NOL9: variants seen among roughly 807,000 people sequenced by gnomAD.
The protein encoded by NOL9 is polynucleotide 5'-hydroxyl-kinase NOL9.
A neutral mutation model predicts 67.9 loss-of-function variants in NOL9; 28 were observed. That is an observed-to-expected ratio of 0.41 (90% CI 0.31 to 0.57). The LOEUF is 0.57. Ranked by LOEUF, NOL9 falls within the 20% of genes least tolerant of loss-of-function variation. NOL9 has a pLI of 0.25. For synonymous variants in NOL9, 356 were observed against 352.2 expected (o/e 1.01, Z -0.12); for missense variants, 777 against 897.0 (o/e 0.87, Z 1.71).
At chr1:6,526,102 G>A (rs978676108) in intron 11 of NOL9, 99 bp from the exon 12 acceptor site, 3 of 1,056,288 alleles carry the variant, frequency 2.8e-6, no homozygotes, top group African/African-American at 3.1e-5. Flanking sequence ...TCATGGTGAT[G>A]GTCTGGGTGG....
rs1639048633 is a variant in NOL9, at chr1:6,532,370, C to T, written c.1535+93G>A. 2.5e-6 allele frequency: 3 copies of T among 1,203,816 alleles called. No individual in the cohort carries two copies. The South Asian group carries it at 4.4e-5, about 18-fold the overall frequency. The allele number at this position is 1,203,816 out of a possible 1,614,324, so 74.6% of individuals were successfully genotyped here. A position where few individuals can be genotyped will look rare whatever the true frequency, so the allele number is the denominator to read the frequency against. ...ACAGCTGTGACAGGGACCTGAAGAT[C>T]TTAGAGGACTCAGGCCTTTAGAGGA... On this transcript the variant is annotated intron_variant, in intron 8 of 11. Transcript: ENST00000377705.
Position 6,545,134 on chromosome 1 carries a change from A to G in NOL9, c.791T>C (p.Val264Ala). Residue 264 changes from valine to alanine, a missense_variant, in exon 4 of 12, where the codon GTT (valine) becomes GCT (alanine). Transcript: ENST00000377705. Reference sequence around the variant, plus strand: ...CCTTTTTTTCTCTCTTCTGATGCCAACAGACCTCAAGGCTAAATATTCAGG... The same window carrying G: ...CCTTTTTTTCTCTCTTCTGATGCCAGCAGACCTCAAGGCTAAATATTCAGG... ...IKPEYLALRS[V>A]GIRREKKRKG... The G allele has an allele frequency of 1.2e-6, 2 of 1,614,106 alleles. No individual in the cohort carries two copies. Among genetic ancestry groups the G allele is most frequent in the Non-Finnish European group, 1.7e-6 (2 of 1,179,958 alleles).
At chr1:6,548,020 C>A in intron 3 of NOL9, 1 of 285,898 alleles carries the variant, frequency 3.5e-6, no homozygotes. Context: ...TAGGCTGTCC[C>A]GAACCCCTGG....
At chr1:6,541,472 A>C (rs1432396687) in intron 6 of NOL9, among the ~76,000 whole-genome samples, 1 of 152,144 alleles carries the variant, frequency 6.6e-6, no homozygotes, top group Non-Finnish European at 1.5e-5. Context: ...GTGAGCCACC[A>C]CAGGCAGCCT....
intron 11 of NOL9, 134 bp downstream of exon 11, chr1:6,526,562 G>T: frequency 1.1e-6 from 1 of 881,346 alleles, no homozygotes; most frequent in Non-Finnish European, 1.7e-6. Flanking sequence ...CACCGTCTCG[G>T]CTCACTCAGG....
intron 5 of NOL9, among the ~76,000 whole-genome samples, chr1:6,544,525 A>ACACACACGCACG (rs1553183955): frequency 2.7e-4 from 19 of 69,490 alleles, no homozygotes; most frequent in Non-Finnish European, 5.4e-4. Context: ...ACACACACAC[A>ACACACACGCACG]CACGCACGCA....
intron 1 of NOL9, among the ~76,000 whole-genome samples, chr1:6,551,534 G>A (rs1427759062): frequency 6.6e-6 from 1 of 151,110 alleles, no homozygotes; most frequent in Non-Finnish European, 1.5e-5. Context: ...CAGAGGCAAA[G>A]GCTGCAGTGA....
intron 3 of NOL9, among the ~76,000 whole-genome samples, chr1:6,548,797 A>G (rs889021311): frequency 6.6e-5 from 10 of 152,018 alleles, no homozygotes; most frequent in Non-Finnish European, 1.3e-4. Flanking sequence ...AAACCCCAAA[A>G]AAGGCCAGGC....
chr1:6,541,875 G>T lies in NOL9; in HGVS notation c.1030C>A (p.Pro344Thr). The change falls in exon 6 of 12, where the codon CCT becomes ACT. Residue 344 changes from proline (P) to threonine (T), a missense_variant. This residue lies in a region of NOL9 where 413 missense variants were observed against 552.6 expected (regional missense o/e 0.75). Coordinates refer to ENST00000377705, the MANE Select transcript of NOL9 (RefSeq NM_024654.5). ...ECDLGQTEFT[P>T]PGCISLLNIT... ...TTAAGCAAAGAAATGCAACCAGGAG[G>T]GGTAAATTCTGTCTGTCCCAGATCA... is the stretch of plus-strand genomic sequence containing the variant. The T allele has an allele frequency of 1.9e-6, 3 of 1,608,472 alleles. No individual in the cohort carries two copies. The highest frequency in any genetic ancestry group is 2.5e-6 in the Non-Finnish European group (3 of 1,177,568).
At position 6,549,670 on chromosome 1, in the gene NOL9, A is replaced by G; in HGVS notation, c.645T>C (p.Phe215=). ...GCAACACAATGGAACACTGAGGAGA[A>G]AAATTCTGCATCGACCAACGCCTGT... is the stretch of plus-strand genomic sequence containing the variant. ...LDDRRWSMQN[F]SPQCSIVLLE... Residue 215 remains phenylalanine, a synonymous_variant, in exon 3 of 12, where the codon TTT becomes TTC. Coordinates refer to ENST00000377705, the MANE Select transcript of NOL9 (RefSeq NM_024654.5). The G allele has an allele frequency of 6.2e-7, 1 of 1,614,176 alleles. No homozygotes were observed. Among genetic ancestry groups the G allele is most frequent in the South Asian group, 1.1e-5 (1 of 91,088 alleles).
At chr1:6,539,534 G>C (rs1349955271) in intron 6 of NOL9, among the ~76,000 whole-genome samples, 1 of 152,158 alleles carries the variant, frequency 6.6e-6, no homozygotes, top group East Asian at 1.9e-4. Flanking sequence ...ACCCAGGCTG[G>C]AGTGTAATGG....
intron 1 of NOL9, among the ~76,000 whole-genome samples, chr1:6,551,578 G>C (rs1360810308): frequency 1.3e-5 from 2 of 151,208 alleles, no homozygotes; most frequent in Admixed American, 6.6e-5. Context: ...CAGCCTGGGC[G>C]ACAGTGATAC....
intron 6 of NOL9, 73 bp from the exon 7 acceptor site, chr1:6,533,514 G>A: frequency 8.4e-7 from 1 of 1,189,848 alleles, no homozygotes; most frequent in Admixed American, 2.7e-5. Context: ...AGGTGGTGAG[G>A]GTTTTGTTTC....
In NOL9 at chr1:6,525,427, G is replaced by C. The variant is rs1638861847; in HGVS notation, c.*427C>G. On this transcript the variant is annotated 3_prime_UTR_variant, in exon 12 of 12. Coordinates refer to ENST00000377705, the MANE Select transcript of NOL9 (RefSeq NM_024654.5). ...GGACCCCAGCTCTGCACATGGCTCA[G>C]GCAAGGCCCGTGGCGAGCCCTTGTA... The C allele has an allele frequency of 5.1e-6, 1 of 196,320 alleles. No homozygotes were observed. The highest frequency in any genetic ancestry group is 2.4e-5 in the African/African-American group (1 of 42,528). The allele number at this position is 196,320 out of a possible 1,614,324, so 12.2% of individuals were successfully genotyped here.
intron 5 of NOL9, among the ~76,000 whole-genome samples, chr1:6,543,531 C>T (rs972282469): frequency 4.6e-5 from 7 of 152,078 alleles, no homozygotes; most frequent in Non-Finnish European, 8.8e-5. Flanking sequence ...GACACAGTGT[C>T]ACTCTGTTGC....
At chr1:6,540,717 T>C (rs949494319) in intron 6 of NOL9, 1 of 151,960 alleles carries the variant, frequency 6.6e-6, no homozygotes, top group African/African-American at 2.4e-5. Flanking sequence ...TCACAGCTAC[T>C]CAGGAGGCTG....
intron 6 of NOL9, among the ~76,000 whole-genome samples, chr1:6,537,991 C>CAAAAAA (rs35793215): frequency 1.9e-5 from 1 of 52,502 alleles, no homozygotes; most frequent in African/African-American, 8.1e-5. Flanking sequence ...GACTCCATCT[C>CAAAAAA]AAAAAAAAAA....
chr1:6,544,348 C>A (rs567383283), intron 5 of NOL9, among the ~76,000 whole-genome samples: 1 of 51,468 alleles, frequency 1.9e-5, no homozygotes, highest in Admixed American at 2.1e-4. Flanking sequence ...ATAGCAAGAC[C>A]TCATCTCTAC....
rs184757090 is a variant in NOL9, at chr1:6,549,562, G to C, written c.744+9C>G. 1.2e-5 allele frequency: 19 copies of C among 1,611,876 alleles called. No homozygotes were observed. The African/African-American group carries it at 2.0e-4, about 17-fold the overall frequency. ...AATTAGCAAAACTCTGAATGAAAAC[G>C]GGTTCTACCTCTTGCACAAAAATGT... On this transcript the variant is annotated intron_variant, in intron 3 of 11. Coordinates refer to ENST00000377705, the MANE Select transcript of NOL9 (RefSeq NM_024654.5).
Sources: allele counts gnomAD v4.1 joint callset (sites outside exome capture counted in the v4.1 genomes callset), GRCh38; gene constraint gnomAD v4.1.1; regional missense constraint gnomAD v4.1.1; transcripts MANE v1.5; gene names NCBI Gene and HGNC (gene_info 2026-07-23, HGNC 2026-07-21).